Variants in SGPL1 observed in about 807,000 individuals in gnomAD.
SGPL1 encodes the protein sphingosine-1-phosphate lyase 1.
Under a neutral mutation model 68.9 loss-of-function variants are expected in SGPL1, and 37 were observed. The ratio of observed to expected loss-of-function variants is 0.54; its 90% CI spans 0.41 to 0.71. The LOEUF is 0.71. SGPL1 is among the 30% of genes least tolerant of loss of function. The pLI, the probability that SGPL1 is intolerant of heterozygous loss-of-function variation, is 0.00. For synonymous variants in SGPL1, 236 were observed against 248.5 expected (o/e 0.95, Z 0.47); for missense variants, 551 against 704.6 (o/e 0.78, Z 2.47).
At chr10:70,841,910 A>G (rs1450400591) in intron 2 of SGPL1, among the ~76,000 whole-genome samples, 1 of 152,156 alleles carries the variant, frequency 6.6e-6, no homozygotes, top group African/African-American at 2.4e-5. Flanking sequence ...TTAACTGTTA[A>G]CATCATAGTT....
chr10:70,860,463 G>A (rs1265062024), intron 7 of SGPL1: 3 of 463,380 alleles, frequency 6.5e-6, no homozygotes, highest in Non-Finnish European at 4.4e-6. Flanking sequence ...AATATTAGTA[G>A]TAATAAAGGT....
intron 2 of SGPL1, among the ~76,000 whole-genome samples, chr10:70,817,405 T>C (rs747601204): frequency 6.6e-6 from 1 of 152,250 alleles, no homozygotes; most frequent in Non-Finnish European, 1.5e-5. Flanking sequence ...ACTTAAATTA[T>C]TGAAGAATCT....
intron 12 of SGPL1, among the ~76,000 whole-genome samples, chr10:70,875,117 G>A (rs1002071282): frequency 3.3e-5 from 5 of 152,160 alleles, no homozygotes; most frequent in Non-Finnish European, 5.9e-5. Context: ...GAATATAATT[G>A]GGAGTTGGGT....
At chr10:70,876,819 C>A (rs560267459) in intron 14 of SGPL1, among the ~76,000 whole-genome samples, 158 bp downstream of exon 14, 1 of 152,312 alleles carries the variant, frequency 6.6e-6, no homozygotes, top group South Asian at 2.1e-4. Context: ...GCATCACCCA[C>A]CCCTTAGGGT....
At chr10:70,866,243 C>T (rs1589471941) in intron 7 of SGPL1, 1 of 151,932 alleles carries the variant, frequency 6.6e-6, no homozygotes, top group Non-Finnish European at 1.5e-5. Flanking sequence ...AAAAGTTAGC[C>T]AGGCATGGTG....
chr10:70,868,312 C>A, intron 7 of SGPL1, 33 bp from the exon 8 acceptor site: 1 of 1,491,052 alleles, frequency 6.7e-7, no homozygotes. Flanking sequence ...ATTCCTGACT[C>A]CCCCAACAGA....
At chr10:70,863,220 G>T (rs1004528497) in intron 7 of SGPL1, among the ~76,000 whole-genome samples, 1 of 150,964 alleles carries the variant, frequency 6.6e-6, no homozygotes, top group Non-Finnish European at 1.5e-5. Flanking sequence ...CTCCCAAGCT[G>T]AAGTGATCTG....
At chr10:70,855,004 A>G (rs918669770) in intron 5 of SGPL1, 149 bp downstream of exon 5, 14 of 618,308 alleles carry the variant, frequency 2.3e-5, no homozygotes, top group Non-Finnish European at 3.2e-5. Flanking sequence ...TGAATTTCCT[A>G]TTTTTAAAAT....
chr10:70,836,716 C>T (rs1364533245), intron 2 of SGPL1, among the ~76,000 whole-genome samples: 3 of 152,030 alleles, frequency 2.0e-5, no homozygotes, highest in Non-Finnish European at 4.4e-5. Flanking sequence ...GCTGGGACTA[C>T]AGGAGTGTGC....
intron 2 of SGPL1, among the ~76,000 whole-genome samples, chr10:70,830,194 G>A (rs543090676): frequency 3.3e-5 from 5 of 152,326 alleles, no homozygotes; most frequent in African/African-American, 9.6e-5. Flanking sequence ...AAATGGAACT[G>A]TTAGGTCATG....
chr10:70,851,077 G>A, intron 3 of SGPL1, 66 bp from the exon 4 acceptor site: 2 of 1,247,306 alleles, frequency 1.6e-6, no homozygotes, highest in South Asian at 2.4e-5. Flanking sequence ...ACATTGAATG[G>A]TTGCTATATG....
At chr10:70,875,881 A>G (rs1183149190) in intron 13 of SGPL1, among the ~76,000 whole-genome samples, 2 of 152,174 alleles carry the variant, frequency 1.3e-5, no homozygotes, top group African/African-American at 2.4e-5. Context: ...CCTGGCTAAT[A>G]TTTAGTTCAA....
intron 7 of SGPL1, chr10:70,866,675 A>G (rs1202888116): frequency 6.6e-6 from 1 of 152,222 alleles, no homozygotes; most frequent in Non-Finnish European, 1.5e-5. Flanking sequence ...ACCACAGGAC[A>G]TGCTGCTGAT....
chr10:70,851,323 C>T lies in SGPL1; in HGVS notation c.261+113C>T, dbSNP rs1203475033. On this transcript the variant is annotated intron_variant, in intron 4 of 14. Transcript: ENST00000373202. ...GGAGGGGTGATTTTGTCTCTTACCT[C>T]CAGGGGACACTTGGCAGCATTTGGA... 6.8e-6 allele frequency: 6 copies of T among 880,786 alleles called. No homozygotes were observed. The Admixed American group carries it at 7.8e-5, about 11-fold the overall frequency. 54.6% of individuals were successfully genotyped at this position (880,786 alleles called of 1,614,324 possible).
At chr10:70,835,702 C>T (rs984746333) in intron 2 of SGPL1, among the ~76,000 whole-genome samples, 4 of 144,536 alleles carry the variant, frequency 2.8e-5, no homozygotes, top group Admixed American at 7.1e-5. Context: ...CACCACTGCA[C>T]TCCAGCCTGG....
chr10:70,842,693 C>T (rs1845734597), intron 2 of SGPL1, among the ~76,000 whole-genome samples: 1 of 152,094 alleles, frequency 6.6e-6, no homozygotes, highest in African/African-American at 2.4e-5. Flanking sequence ...AAAGATGCAC[C>T]CCCGTGATCC....
intron 10 of SGPL1, 71 bp downstream of exon 10, chr10:70,871,217 T>C (rs1040461277): frequency 2.3e-5 from 24 of 1,051,332 alleles, no homozygotes; most frequent in Non-Finnish European, 3.4e-5. Context: ...GGGGCAGTAC[T>C]TGGCAAATAG....
At chr10:70,834,152 G>A (rs1789717913) in intron 2 of SGPL1, among the ~76,000 whole-genome samples, 2 of 152,164 alleles carry the variant, frequency 1.3e-5, no homozygotes, top group Admixed American at 6.5e-5. Context: ...AAAGGATGGG[G>A]AAGAGAATGG....
chr10:70,871,453 G>T (rs1424929370), intron 10 of SGPL1, among the ~76,000 whole-genome samples: 4 of 152,186 alleles, frequency 2.6e-5, no homozygotes, highest in Non-Finnish European at 2.9e-5. Flanking sequence ...CACCAAAAGG[G>T]TGATATTCCA....
Sources: gnomAD v4.1 joint callset for allele counts (sites outside exome capture counted in the v4.1 genomes callset) on GRCh38, gnomAD v4.1.1 for gene constraint, MANE v1.5 for transcripts, NCBI Gene and HGNC (gene_info 2026-07-23, HGNC 2026-07-21) for gene names.